Variants in PCED1B observed in about 807,000 individuals in gnomAD.
PCED1B encodes PC-esterase domain-containing protein 1B.
For synonymous variants in PCED1B, 251 were observed against 246.1 expected, an observed-to-expected ratio of 1.02 and a Z score of -0.19; for missense variants, 573 against 573.9, an observed-to-expected ratio of 1.00 and a Z score of 0.02.
chr12:47,220,839 T>C (rs576478548), intron 3 of PCED1B, among the ~76,000 whole-genome samples: 7 of 152,096 alleles, frequency 4.6e-5, no homozygotes, highest in Non-Finnish European at 1.0e-4. Flanking sequence ...TGAGTCTTAA[T>C]GAAGGAGCAG....
intron 2 of PCED1B, among the ~76,000 whole-genome samples, chr12:47,179,916 T>TTA (rs1942041621): frequency 1.3e-5 from 2 of 152,302 alleles, no homozygotes; most frequent in South Asian, 4.1e-4. Context: ...TTGGGTTGAC[T>TTA]TATACTAGCA....
intron 3 of PCED1B, among the ~76,000 whole-genome samples, chr12:47,218,811 T>G (rs1943384479): frequency 6.6e-6 from 1 of 151,918 alleles, no homozygotes; most frequent in Admixed American, 6.6e-5. Context: ...TGGCTGAGAC[T>G]TGCTCTCATT....
chr12:47,200,736 G>T (rs1942738744), intron 2 of PCED1B, among the ~76,000 whole-genome samples: 1 of 152,158 alleles, frequency 6.6e-6, no homozygotes, highest in Non-Finnish European at 1.5e-5. Flanking sequence ...TGATATTAGT[G>T]CAGTGTGCCT....
intron 2 of PCED1B, among the ~76,000 whole-genome samples, chr12:47,159,145 A>G (rs1213307079): frequency 6.6e-6 from 1 of 152,166 alleles, no homozygotes; most frequent in Non-Finnish European, 1.5e-5. Flanking sequence ...CCATTTATCC[A>G]CTGATGGACA....
At chr12:47,081,902 A>G (rs1937746846) in intron 1 of PCED1B, among the ~76,000 whole-genome samples, 1 of 152,236 alleles carries the variant, frequency 6.6e-6, no homozygotes, top group Admixed American at 6.5e-5. Flanking sequence ...CTACAGGCAT[A>G]TTGTAGAAAC....
intron 2 of PCED1B, among the ~76,000 whole-genome samples, chr12:47,189,248 T>C (rs1942370548): frequency 6.6e-6 from 1 of 152,214 alleles, no homozygotes; most frequent in Non-Finnish European, 1.5e-5. Context: ...AGGGCCGCCA[T>C]TACCCCATTG....
At chr12:47,177,932 G>A (rs1248948430) in intron 2 of PCED1B, among the ~76,000 whole-genome samples, 1 of 152,130 alleles carries the variant, frequency 6.6e-6, no homozygotes, top group African/African-American at 2.4e-5. Context: ...GGGTGATAGA[G>A]CAAGACCCTG....
intron 1 of PCED1B, among the ~76,000 whole-genome samples, chr12:47,097,255 T>G (rs1056928178): frequency 6.6e-6 from 1 of 152,226 alleles, no homozygotes; most frequent in Admixed American, 6.5e-5. Flanking sequence ...TAAATGTACC[T>G]GTAGAAAATA....
At chr12:47,135,449 G>A in intron 2 of PCED1B, 3 of 350,142 alleles carry the variant, frequency 8.6e-6, no homozygotes, top group South Asian at 7.6e-5. Context: ...GAGACAGGTT[G>A]TGGGCAGAGC....
chr12:47,125,549 T>C (rs1005075992), intron 2 of PCED1B, among the ~76,000 whole-genome samples: 1 of 152,010 alleles, frequency 6.6e-6, no homozygotes, highest in Non-Finnish European at 1.5e-5. Context: ...ACAAGAGGTC[T>C]GCTGGGTACA....
At chr12:47,080,786 C>T (rs1937660289) in intron 1 of PCED1B, among the ~76,000 whole-genome samples, 1 of 152,074 alleles carries the variant, frequency 6.6e-6, no homozygotes, top group Non-Finnish European at 1.5e-5. Context: ...CTTCTCCTTC[C>T]CCTCTTCTCT....
chr12:47,205,266 T>A (rs1203538472), intron 2 of PCED1B, among the ~76,000 whole-genome samples: 1 of 152,166 alleles, frequency 6.6e-6, no homozygotes, highest in Non-Finnish European at 1.5e-5. Flanking sequence ...AGTTTATCGA[T>A]CTGGGTGGTA....
chr12:47,109,709 C>G (rs1052775597), intron 2 of PCED1B, among the ~76,000 whole-genome samples: 1 of 152,074 alleles, frequency 6.6e-6, no homozygotes, highest in Non-Finnish European at 1.5e-5. Flanking sequence ...ATGTGCCAGG[C>G]CTGTGCAAGG....
chr12:47,150,967 C>G (rs1042772772), intron 2 of PCED1B, among the ~76,000 whole-genome samples: 4 of 151,964 alleles, frequency 2.6e-5, no homozygotes, highest in Admixed American at 2.6e-4. Context: ...AACAAGCGAA[C>G]AATTACAAAT....
At chr12:47,135,736 C>T (rs961379401) in intron 2 of PCED1B, 35 of 530,656 alleles carry the variant, frequency 6.6e-5, no homozygotes, top group Non-Finnish European at 1.0e-4. Context: ...ACGACATGGT[C>T]GGGCACGGAG....
rs12307674 is a variant in PCED1B at position 47,157,849 on chromosome 12, C to T, written c.-526+53654C>T. Among the ~76,000 whole-genome samples the T allele has an allele frequency of 5.4e-3, 824 of 152,258 alleles. 11 individuals carry two copies. The highest frequency in any genetic ancestry group is 0.018 in the African/African-American group (757 of 41,566). On this transcript the variant is annotated intron_variant, in intron 2 of 3. Coordinates refer to ENST00000546455, the MANE Select transcript of PCED1B (RefSeq NM_138371.3). ...TGACAACCAGTATACCACTTTCTGT[C>T]TCTATGATTTTGACTTATAAGTATC...
At chr12:47,166,378 T>C (rs1377401246) in intron 2 of PCED1B, among the ~76,000 whole-genome samples, 1 of 152,214 alleles carries the variant, frequency 6.6e-6, no homozygotes, top group Non-Finnish European at 1.5e-5. Flanking sequence ...TGAGCTCAGT[T>C]CCATACTGGT....
chr12:47,125,230 T>G (rs960346641), intron 2 of PCED1B, among the ~76,000 whole-genome samples: 1 of 152,052 alleles, frequency 6.6e-6, no homozygotes, highest in African/African-American at 2.4e-5. Flanking sequence ...GTTTGTGTAT[T>G]GATTGCAAAT....
chr12:47,218,394 G>T (rs536833978), intron 3 of PCED1B, among the ~76,000 whole-genome samples: 236 of 152,350 alleles, frequency 1.5e-3, no homozygotes, highest in Non-Finnish European at 2.6e-3. Context: ...GCTCCAAGCC[G>T]TAGAGCTTGA....
Sources: allele counts gnomAD v4.1 joint callset (sites outside exome capture counted in the v4.1 genomes callset), GRCh38; gene constraint gnomAD v4.1.1; transcripts MANE v1.5; gene names NCBI Gene and HGNC (gene_info 2026-07-23, HGNC 2026-07-21).